RBPMS: variants seen among roughly 807,000 people sequenced by gnomAD.
RBPMS encodes the protein RNA binding protein, mRNA processing factor.
Under a neutral mutation model 26.8 loss-of-function variants are expected in RBPMS, and 7 were observed. The observed-to-expected ratio is 0.26, with a 90% CI of 0.15 to 0.49. The LOEUF (loss-of-function observed/expected upper bound fraction) is 0.49. Ranked by LOEUF, RBPMS falls within the 20% of genes least tolerant of loss-of-function variation. The probability of loss-of-function intolerance (pLI) is 0.98; values close to 1 mark genes in which losing one functional copy is unlikely to be tolerated. For synonymous variants in RBPMS, 96 were observed against 93.3 expected (o/e 1.03, Z -0.17); for missense variants, 186 against 250.0 (o/e 0.74, Z 1.73).
At chr8:30,520,016 CTT>C (rs1822860030) in intron 5 of RBPMS, among the ~76,000 whole-genome samples, 1 of 152,118 alleles carries the variant, frequency 6.6e-6, no homozygotes, top group Non-Finnish European at 1.5e-5. Context: ...ATACTGTGTA[CTT>C]TATATGACAT....
chr8:30,386,833 CTTTA>C (rs1302404978), intron 1 of RBPMS, among the ~76,000 whole-genome samples: 1 of 152,082 alleles, frequency 6.6e-6, no homozygotes, highest in African/African-American at 2.4e-5. Context: ...AACCATCTTT[CTTTA>C]TTCACCCAGT....
intron 6 of RBPMS, among the ~76,000 whole-genome samples, chr8:30,549,941 C>T (rs1338188455): frequency 1.3e-5 from 2 of 150,470 alleles, no homozygotes; most frequent in African/African-American, 4.9e-5. Context: ...AGCTCCGCCT[C>T]CCGGGTTCAT....
intron 4 of RBPMS, among the ~76,000 whole-genome samples, chr8:30,496,166 C>T (rs1011184863): frequency 1.9e-5 from 2 of 104,402 alleles, no homozygotes; most frequent in East Asian, 6.7e-4. Flanking sequence ...GATACCCTTG[C>T]GCATTTCTTT....
At chr8:30,538,507 C>T (rs1289999300) in intron 5 of RBPMS, among the ~76,000 whole-genome samples, 3 of 152,162 alleles carry the variant, frequency 2.0e-5, no homozygotes, top group Non-Finnish European at 2.9e-5. Context: ...CCACCCGCTT[C>T]GGCCTCCCAA....
intron 8 of RBPMS, among the ~76,000 whole-genome samples, chr8:30,567,850 T>C (rs73574140): frequency 0.011 from 1,683 of 152,308 alleles, 33 homozygotes; most frequent in African/African-American, 0.038. Context: ...AGTGGCGTTC[T>C]CAGCACCAGT....
chr8:30,471,547 C>G (rs1017936678), intron 1 of RBPMS, among the ~76,000 whole-genome samples: 1 of 152,124 alleles, frequency 6.6e-6, no homozygotes, highest in Non-Finnish European at 1.5e-5. Flanking sequence ...TTGTGGAAAT[C>G]TCTGTAATCC....
intron 1 of RBPMS, among the ~76,000 whole-genome samples, chr8:30,448,423 T>C (rs1400570882): frequency 6.6e-6 from 1 of 152,224 alleles, no homozygotes; most frequent in Non-Finnish European, 1.5e-5. Context: ...AGATGAGCTG[T>C]CCTGCCTGTT....
At chr8:30,452,313 C>T (rs142437650) in intron 1 of RBPMS, among the ~76,000 whole-genome samples, 111 of 152,220 alleles carry the variant, frequency 7.3e-4, no homozygotes, top group African/African-American at 2.5e-3. Flanking sequence ...GTTTGATGTA[C>T]AGAGATGATT....
intron 5 of RBPMS, among the ~76,000 whole-genome samples, chr8:30,532,956 A>C (rs1007192073): frequency 6.6e-6 from 1 of 152,194 alleles, no homozygotes; most frequent in African/African-American, 2.4e-5. Context: ...GGCTGGAAAC[A>C]TAAATGATGA....
At chr8:30,511,830 A>C (rs1448788775) in intron 5 of RBPMS, among the ~76,000 whole-genome samples, 1 of 152,100 alleles carries the variant, frequency 6.6e-6, no homozygotes, top group African/African-American at 2.4e-5. Flanking sequence ...TCTCAAAAAA[A>C]AATCAAGCTT....
intron 1 of RBPMS, among the ~76,000 whole-genome samples, chr8:30,431,200 T>C (rs966762546): frequency 1.5e-4 from 23 of 151,974 alleles, no homozygotes; most frequent in African/African-American, 5.3e-4. Flanking sequence ...AGCATGTTGG[T>C]TCTTGATTTT....
intron 1 of RBPMS, among the ~76,000 whole-genome samples, chr8:30,462,829 G>T (rs902019853): frequency 3.9e-5 from 6 of 152,114 alleles, no homozygotes. Flanking sequence ...CTAAGAAATG[G>T]ATTTTGGAAG....
intron 1 of RBPMS, among the ~76,000 whole-genome samples, chr8:30,392,611 G>C (rs975124155): frequency 2.6e-5 from 4 of 152,160 alleles, no homozygotes; most frequent in African/African-American, 9.7e-5. Flanking sequence ...TTGCAGTGAG[G>C]TTTCTGCTGC....
intron 1 of RBPMS, among the ~76,000 whole-genome samples, chr8:30,460,486 CTA>C (rs1438799157): frequency 2.6e-5 from 4 of 152,166 alleles, no homozygotes; most frequent in Non-Finnish European, 4.4e-5. Flanking sequence ...ACATATACAT[CTA>C]TGCTCTGTGA....
chr8:30,441,599 C>T (rs535599549), intron 1 of RBPMS, among the ~76,000 whole-genome samples: 1 of 152,156 alleles, frequency 6.6e-6, no homozygotes, highest in East Asian at 1.9e-4. Context: ...CTCTTCCGCT[C>T]TCTCCCGTGA....
chr8:30,418,392 C>G (rs1428665160), intron 1 of RBPMS, among the ~76,000 whole-genome samples: 1 of 152,110 alleles, frequency 6.6e-6, no homozygotes. Context: ...AGAGATTGTC[C>G]TTCTTACTCT....
intron 4 of RBPMS, among the ~76,000 whole-genome samples, chr8:30,487,893 AC>A (rs1818964126): frequency 6.6e-6 from 1 of 152,120 alleles, no homozygotes; most frequent in Non-Finnish European, 1.5e-5. Flanking sequence ...ATTTTGAAAA[AC>A]CAAGTGATGC....
chr8:30,434,887 G>A (rs1812290937), intron 1 of RBPMS, among the ~76,000 whole-genome samples: 1 of 151,946 alleles, frequency 6.6e-6, no homozygotes, highest in Non-Finnish European at 1.5e-5. Context: ...CATGGGACAG[G>A]GAAAGGAAGA....
intron 1 of RBPMS, among the ~76,000 whole-genome samples, chr8:30,413,832 C>T (rs1188783158): frequency 6.6e-6 from 1 of 151,956 alleles, no homozygotes; most frequent in Non-Finnish European, 1.5e-5. Flanking sequence ...AGGCTGGTGT[C>T]GATCTCTTGA....
Sources: gnomAD v4.1 joint callset for allele counts (sites outside exome capture counted in the v4.1 genomes callset) on GRCh38, gnomAD v4.1.1 for gene constraint, MANE v1.5 for transcripts, NCBI Gene and HGNC (gene_info 2026-07-23, HGNC 2026-07-21) for gene names.